ZDHHC15: variants seen among roughly 807,000 people sequenced by gnomAD.
ZDHHC15 encodes zDHHC palmitoyltransferase 15, also known as palmitoyltransferase ZDHHC15.
Under a neutral mutation model 31.7 loss-of-function variants are expected in ZDHHC15, and 19 were observed. That is an observed-to-expected ratio of 0.60 (90% CI 0.42 to 0.88). The LOEUF is 0.88. Among genes scored for constraint, ZDHHC15 ranks in the 40% least tolerant of loss-of-function variants. The pLI is 0.00. For missense variants in ZDHHC15, 209 were observed against 251.2 expected (o/e 0.83, Z 1.14); for synonymous variants, 103 against 90.0 (o/e 1.14, Z -0.82).
intron 3 of ZDHHC15, among the ~76,000 whole-genome samples, chrX:75,454,300 T>G (rs1483318923): frequency 9.0e-6 from 1 of 111,671 alleles, no homozygotes; most frequent in Non-Finnish European, 1.9e-5. Flanking sequence ...ACAAAGAGAA[T>G]AAAATACCTA....
chrX:75,522,592 A>G (rs780351640), intron 1 of ZDHHC15, among the ~76,000 whole-genome samples: 1 of 111,068 alleles, frequency 9.0e-6, no homozygotes, highest in Non-Finnish European at 1.9e-5. Context: ...CAAGGTGCAG[A>G]TGGTTGCCCT....
intron 4 of ZDHHC15, among the ~76,000 whole-genome samples, chrX:75,445,127 G>A (rs926305860): frequency 9.0e-6 from 1 of 110,958 alleles, no homozygotes; most frequent in African/African-American, 3.3e-5. Context: ...ATTCCTCAAT[G>A]TAAATAATGT....
chrX:75,439,549 G>C (rs2083910382), intron 4 of ZDHHC15, among the ~76,000 whole-genome samples: 1 of 111,040 alleles, frequency 9.0e-6, no homozygotes, highest in African/African-American at 3.3e-5. Context: ...TATTTCTCTG[G>C]AGATATTTTA....
chrX:75,508,551 T>G (rs1004814299), intron 1 of ZDHHC15, among the ~76,000 whole-genome samples: 4 of 109,927 alleles, frequency 3.6e-5, no homozygotes, highest in Non-Finnish European at 7.6e-5. Context: ...CTATCACTGA[T>G]GGACATTTAG....
chrX:75,505,924 T>C (rs892232972), intron 1 of ZDHHC15, 77 bp from the exon 2 acceptor site: 2 of 954,239 alleles, frequency 2.1e-6, no homozygotes, highest in Non-Finnish European at 3.0e-6. Flanking sequence ...AAATTAGTTA[T>C]ATTTAAAAAG....
chrX:75,481,514 T>C (rs1165208546), intron 2 of ZDHHC15, among the ~76,000 whole-genome samples: 1 of 112,017 alleles, frequency 8.9e-6, no homozygotes, highest in Admixed American at 9.5e-5. Context: ...ATAGAAATTA[T>C]GGGTACTGTT....
rs993987456 is a variant in ZDHHC15, at chrX:75,429,929, A to G, written c.482+19T>C. On this transcript the variant is annotated intron_variant, in intron 6 of 11. Transcript: ENST00000373367. Reference sequence around the variant, plus strand: ...ACTTTGACCCCTTTAGAGGAGAGAAATGAATCAAACAGACATACCAAGGGC... The same window carrying G: ...ACTTTGACCCCTTTAGAGGAGAGAAGTGAATCAAACAGACATACCAAGGGC... The G allele has an allele frequency of 2.9e-5, 35 of 1,205,753 alleles. No individual in the cohort carries two copies. The highest frequency in any genetic ancestry group is 3.9e-5 in the Non-Finnish European group (35 of 892,771).
chrX:75,509,783 T>G (rs1308044560), intron 1 of ZDHHC15, among the ~76,000 whole-genome samples: 1 of 112,573 alleles, frequency 8.9e-6, no homozygotes, highest in Non-Finnish European at 1.9e-5. Context: ...CATAAGTACT[T>G]AATTATTGTT....
chrX:75,426,086 A>C (rs755568337), intron 7 of ZDHHC15, among the ~76,000 whole-genome samples: 2 of 112,135 alleles, frequency 1.8e-5, no homozygotes, highest in Non-Finnish European at 3.8e-5. Context: ...TTCTCGGCCT[A>C]AGCAGGCAAA....
intron 2 of ZDHHC15, among the ~76,000 whole-genome samples, chrX:75,495,615 G>A (rs1234904086): frequency 1.8e-5 from 2 of 110,554 alleles, no homozygotes; most frequent in African/African-American, 6.6e-5. Flanking sequence ...AAAATGATGA[G>A]TTCATGTCCT....
intron 4 of ZDHHC15, among the ~76,000 whole-genome samples, chrX:75,432,028 G>A (rs2083786225): frequency 8.9e-6 from 1 of 111,906 alleles, no homozygotes; most frequent in South Asian, 3.7e-4. Flanking sequence ...CACAGATAAA[G>A]GAAATAAAGA....
chrX:75,476,524 T>G (rs995413367), intron 3 of ZDHHC15, among the ~76,000 whole-genome samples: 5 of 111,368 alleles, frequency 4.5e-5, no homozygotes, highest in African/African-American at 1.6e-4. Flanking sequence ...TTCTTATAAT[T>G]CAATTTATTT....
intron 1 of ZDHHC15, among the ~76,000 whole-genome samples, chrX:75,514,865 G>T (rs2085331327): frequency 9.0e-6 from 1 of 111,358 alleles, no homozygotes. Context: ...GAATCAAATA[G>T]ACGCAATAAA....
intron 4 of ZDHHC15, among the ~76,000 whole-genome samples, chrX:75,438,010 C>CA (rs918467519): frequency 9.0e-6 from 1 of 111,255 alleles, no homozygotes; most frequent in African/African-American, 3.3e-5. Context: ...TTTATGCAGC[C>CA]AAAAAACACA....
At chrX:75,490,098 C>A (rs1051508506) in intron 2 of ZDHHC15, among the ~76,000 whole-genome samples, 3 of 111,469 alleles carry the variant, frequency 2.7e-5, no homozygotes, top group Non-Finnish European at 3.8e-5. Context: ...TGTGAAAAGA[C>A]CAAATCTACG....
intron 1 of ZDHHC15, among the ~76,000 whole-genome samples, chrX:75,511,557 G>T (rs868300480): frequency 0.063 from 5,356 of 85,588 alleles, 330 homozygotes; most frequent in African/African-American, 0.17. Flanking sequence ...AGTTTCTTTT[G>T]CTGTGCAGAA....
At chrX:75,516,738 G>A (rs1193096796) in intron 1 of ZDHHC15, among the ~76,000 whole-genome samples, 1 of 111,859 alleles carries the variant, frequency 8.9e-6, no homozygotes, top group Non-Finnish European at 1.9e-5. Flanking sequence ...AGACAAATGG[G>A]ATCTAATTAA....
chrX:75,427,451 T>G (rs1373834808), intron 7 of ZDHHC15, among the ~76,000 whole-genome samples: 2 of 111,830 alleles, frequency 1.8e-5, no homozygotes, highest in Non-Finnish European at 3.8e-5. Flanking sequence ...ATTTGATTAT[T>G]GGCTGACTAG....
intron 4 of ZDHHC15, among the ~76,000 whole-genome samples, chrX:75,437,405 T>C (rs1169889298): frequency 3.3e-5 from 3 of 92,234 alleles, no homozygotes; most frequent in African/African-American, 1.2e-4. Context: ...CATCTAGCAT[T>C]AGGTATATCT....
Sources: allele counts gnomAD v4.1 joint callset (sites outside exome capture counted in the v4.1 genomes callset), GRCh38; gene constraint gnomAD v4.1.1; transcripts MANE v1.5; gene names NCBI Gene and HGNC (gene_info 2026-07-23, HGNC 2026-07-21).